The following OR51A4 variants were observed in gnomAD, a reference collection of about 807,000 sequenced individuals.
OR51A4 encodes the protein olfactory receptor family 51 subfamily A member 4, also known as olfactory receptor 51A4.
For synonymous variants in OR51A4, 96 were observed against 141.5 expected (o/e 0.68, Z 2.28); for missense variants, 243 against 364.0 (o/e 0.67, Z 2.70).
rs1030999386 is a variant in OR51A4 at position 4,943,411 on chromosome 11, G to A, written c.*2748C>T. The stretch of plus-strand genomic sequence containing the variant: ...GTATCAGATTGCCCCTAGGTGCTGT[G>A]TAGGTGAGCTCAAGGTAATTTGTTT... On this transcript the variant is annotated 3_prime_UTR_variant, in exon 2 of 2. Transcript: ENST00000641898. 1 of 453,702 alleles carries A rather than the reference G, an allele frequency of 2.2e-6. No homozygotes were observed. Among genetic ancestry groups the A allele is most frequent in the Admixed American group, 2.4e-5 (1 of 42,432 alleles). The allele number at this position is 453,702 out of a possible 1,614,324, so 28.1% of individuals were successfully genotyped here.
rs72858195 is a variant in OR51A4, at chr11:4,942,914, T to A, written c.*3245A>T. ...GTACACAATTCAATATATTAAAGAATATTTTTTCATGGCATTGAAAATTCA... is the reference window on the plus strand; with the variant it reads ...GTACACAATTCAATATATTAAAGAAAATTTTTTCATGGCATTGAAAATTCA... On this transcript the variant is annotated 3_prime_UTR_variant, in exon 2 of 2. Transcript: ENST00000641898. The A allele has an allele frequency of 0.13, 19,554 of 152,304 alleles. 1,460 individuals carry two copies. Among genetic ancestry groups the A allele is most frequent in the Middle Eastern group, 0.28 (84 of 298 alleles). 9.4% of individuals were successfully genotyped at this position (152,304 alleles called of 1,614,324 possible).
At position 4,945,237 on chromosome 11, in the gene OR51A4, A is replaced by T. The variant is rs535329840; in HGVS notation, c.*922T>A. ...GTAATCTATGAGGAAATTAAGCCAA[A>T]ATTTAAAGAAAAAAATAGAAATGCA... is the stretch of plus-strand genomic sequence containing the variant. On this transcript the variant is annotated 3_prime_UTR_variant, in exon 2 of 2. Transcript: ENST00000641898. The T allele has an allele frequency of 6.6e-6, 1 of 152,280 alleles. No individual in the cohort carries two copies. Among genetic ancestry groups the T allele is most frequent in the South Asian group, 2.1e-4 (1 of 4,830 alleles). The allele number at this position is 152,280 out of a possible 1,614,324, so 9.4% of individuals were successfully genotyped here.
At position 4,945,989 on chromosome 11, in the gene OR51A4, A is replaced by C. The variant is rs1192663891; in HGVS notation, c.*170T>G. The stretch of plus-strand genomic sequence containing the variant: ...CTGAAATGGGGACATAAGGCAACGT[A>C]CTTCCTGTTTATAGTTCTATTCTCA... On this transcript the variant is annotated 3_prime_UTR_variant, in exon 2 of 2. Coordinates refer to ENST00000641898, the MANE Select transcript of OR51A4 (RefSeq NM_001005329.2). 8 of 663,094 alleles carry C rather than the reference A, an allele frequency of 1.2e-5. No homozygotes were observed. In the East Asian group the frequency reaches 1.9e-4, roughly 16 times the overall value. The allele number at this position is 663,094 out of a possible 1,614,324, so 41.1% of individuals were successfully genotyped here.
In OR51A4 at chr11:4,944,560, A is replaced by C. The variant is rs950200617; in HGVS notation, c.*1599T>G. On this transcript the variant is annotated 3_prime_UTR_variant, in exon 2 of 2. Transcript: ENST00000641898. Reference sequence around the variant, plus strand: ...GATTATTATTTTTTAAGCATTTGACATTCCTGGAAGGTGTTTCTTGATTCA... The same window carrying C: ...GATTATTATTTTTTAAGCATTTGACCTTCCTGGAAGGTGTTTCTTGATTCA... 6.6e-6 allele frequency: 1 copy of C among 152,326 alleles called. No individual in the cohort carries two copies. The highest frequency in any genetic ancestry group is 6.5e-5 in the Admixed American group (1 of 15,280). 9.4% of individuals were successfully genotyped at this position (152,326 alleles called of 1,614,324 possible). A position where few individuals can be genotyped will look rare whatever the true frequency, so the allele number is the denominator to read the frequency against.
At position 4,943,532 on chromosome 11, in the gene OR51A4, T is replaced by A; in HGVS notation, c.*2627A>T. 1 of 455,842 alleles carries A rather than the reference T, an allele frequency of 2.2e-6. No individual in the cohort carries two copies. The highest frequency in any genetic ancestry group is 4.4e-6 in the Non-Finnish European group (1 of 226,398). 28.2% of individuals were successfully genotyped at this position (455,842 alleles called of 1,614,324 possible). A position where few individuals can be genotyped will look rare whatever the true frequency, so the allele number is the denominator to read the frequency against. ...ACTGACATTTTGTGCTAGATAATTC[T>A]TTTGGGTAAGGGCTATCCTGTACAT... On this transcript the variant is annotated 3_prime_UTR_variant, in exon 2 of 2. Coordinates refer to ENST00000641898, the MANE Select transcript of OR51A4 (RefSeq NM_001005329.2).
chr11:4,947,142 G>A lies in OR51A4; in HGVS notation c.-42C>T. 1 of 1,010,992 alleles carries A rather than the reference G, an allele frequency of 9.9e-7. No individual in the cohort carries two copies. The highest frequency in any genetic ancestry group is 1.9e-5 in the South Asian group (1 of 52,782). 62.6% of individuals were successfully genotyped at this position (1,010,992 alleles called of 1,614,324 possible). ...TCTGCTATGAAAAATACAGATGCTT[G>A]TGTTGGTAAAATAGGAATATCTGTA... On this transcript the variant is annotated 5_prime_UTR_variant, in exon 2 of 2. Coordinates refer to ENST00000641898, the MANE Select transcript of OR51A4 (RefSeq NM_001005329.2).
In OR51A4 at chr11:4,946,721, G is replaced by A. The variant is rs1402814487; in HGVS notation, c.380C>T (p.Ala127Val). ...LLIMSFDRFL[A>V]IHNPLRYTSI... ...GGTGTATCTCAGAGGGTTGTGGATG[G>A]CTAGGAATCTATCAAATGACATGAT... Residue 127 changes from alanine (A) to valine (V), a missense_variant, in exon 2 of 2, where the codon GCC (alanine) becomes GTC (valine). Physicochemically the swap from Ala to Val is moderately conservative, Grantham distance 64. Transcript: ENST00000641898. The A allele has an allele frequency of 1.3e-6, 2 of 1,589,638 alleles. No homozygotes were observed. The highest frequency in any genetic ancestry group is 2.2e-5 in the East Asian group (1 of 44,852).
At position 4,946,279 on chromosome 11, in the gene OR51A4, A is replaced by G. The variant is rs1417596506; in HGVS notation, c.822T>C (p.Asn274=). 2.5e-6 allele frequency: 4 copies of G among 1,614,022 alleles called. No homozygotes were observed. In the Admixed American group the frequency reaches 5.0e-5, roughly 20 times the overall value. Reference sequence around the variant, plus strand: ...GTAGGAGAACATTTGCCATGAGAACATTAATGAGGGGAGAGACATGCCGGG... The same window carrying G: ...GTAGGAGAACATTTGCCATGAGAACGTTAATGAGGGGAGAGACATGCCGGG... ...RFARHVSPLI[N]VLMANVLLLV... The change falls in exon 2 of 2, where the codon AAT becomes AAC. Residue 274 remains asparagine, a synonymous_variant. Transcript: ENST00000641898.
At position 4,946,731 on chromosome 11, in the gene OR51A4, T is replaced by C. The variant is rs768530291; in HGVS notation, c.370A>G (p.Arg124Gly). 6.3e-7 allele frequency: 1 copy of C among 1,589,610 alleles called. No individual in the cohort carries two copies. The highest frequency in any genetic ancestry group is 8.6e-7 in the Non-Finnish European group (1 of 1,161,978). The stretch of plus-strand genomic sequence containing the variant: ...AGAGGGTTGTGGATGGCTAGGAATC[T>C]ATCAAATGACATGATCAGGAGGACT... The part of the protein sequence containing the change: ...SSVLLIMSFD[R>G]FLAIHNPLRY... The change falls in exon 2 of 2, where the codon AGA (arginine) becomes GGA (glycine). Residue 124 changes from arginine (R) to glycine (G), a missense_variant. Physicochemically the swap from Arg to Gly is moderately radical, Grantham distance 125. Coordinates refer to ENST00000641898, the MANE Select transcript of OR51A4 (RefSeq NM_001005329.2).
rs570616157 is a variant in OR51A4 at position 4,944,063 on chromosome 11, T to C, written c.*2096A>G. 4 of 441,592 alleles carry C rather than the reference T, an allele frequency of 9.1e-6. No homozygotes were observed. The highest frequency in any genetic ancestry group is 8.1e-5 in the African/African-American group (4 of 49,180). 27.4% of individuals were successfully genotyped at this position (441,592 alleles called of 1,614,324 possible). ...CTTTCAATTAATAAAATATGTCAAC[T>C]ACTGCTTGGTTGTACTACAACCCCA... On this transcript the variant is annotated 3_prime_UTR_variant, in exon 2 of 2. Transcript: ENST00000641898.
rs1265516392 is a variant in OR51A4 at position 4,943,951 on chromosome 11, C to A, written c.*2208G>T. On this transcript the variant is annotated 3_prime_UTR_variant, in exon 2 of 2. Transcript: ENST00000641898. ...AAAGAATAAGATGCTATTAAAGCCA[C>A]CTAATTACTCCTCATCTTTTTAGTG... 1 of 410,692 alleles carries A rather than the reference C, an allele frequency of 2.4e-6. No homozygotes were observed. The highest frequency in any genetic ancestry group is 4.8e-6 in the Non-Finnish European group (1 of 206,532). The allele number at this position is 410,692 out of a possible 1,614,324, so 25.4% of individuals were successfully genotyped here.
chr11:4,946,858 G>A lies in OR51A4; in HGVS notation c.243C>T (p.Pro81=), dbSNP rs1230711486. 28 of 1,594,068 alleles carry A rather than the reference G, an allele frequency of 1.8e-5. 2 individuals carry two copies. Among genetic ancestry groups the A allele is most frequent in the Non-Finnish European group, 2.4e-5 (28 of 1,165,244 alleles). The change falls in exon 2 of 2, where the codon CCC becomes CCT. Residue 81 remains proline, a synonymous_variant. Transcript: ENST00000641898. ...TGAACAGGAAGATGCTTAACACAGT[G>A]GGCAGAGATGATAAAGACAAACCCA... is the stretch of plus-strand genomic sequence containing the variant. ...SDLGLSLSSL[P]TVLSIFLFNA...
At position 4,946,860 on chromosome 11, in the gene OR51A4, G is replaced by C. The variant is rs762282327; in HGVS notation, c.241C>G (p.Pro81Ala). 3 of 1,595,592 alleles carry C rather than the reference G, an allele frequency of 1.9e-6. No homozygotes were observed. Among genetic ancestry groups the C allele is most frequent in the Non-Finnish European group, 2.6e-6 (3 of 1,166,662 alleles). ...SDLGLSLSSLPTVLSIFLFNA... is the reference protein window; with the variant it reads ...SDLGLSLSSLATVLSIFLFNA... Reference sequence around the variant, plus strand: ...AACAGGAAGATGCTTAACACAGTGGGCAGAGATGATAAAGACAAACCCAAG... The same window carrying C: ...AACAGGAAGATGCTTAACACAGTGGCCAGAGATGATAAAGACAAACCCAAG... The change falls in exon 2 of 2, where the codon CCC (proline) becomes GCC (alanine). Residue 81 changes from proline (P) to alanine (A), a missense_variant. Physicochemically the swap from Pro to Ala is conservative, Grantham distance 27. Transcript: ENST00000641898.
Position 4,946,227 on chromosome 11 carries a change from C to T in OR51A4, c.874G>A (p.Val292Ile). Residue 292 changes from valine to isoleucine, a missense_variant, in exon 2 of 2, where the codon GTT becomes ATT. Physicochemically the swap from Val to Ile is conservative, Grantham distance 29. Transcript: ENST00000641898. ...LLVPPLTNPI[V>I]YCVKTKQIRV... is the part of the protein sequence containing the mutation. ...ATCTGTTTAGTTTTTACACAATAAA[C>T]AATTGGGTTCGTCAGTGGAGGTACA... The T allele has an allele frequency of 6.2e-7, 1 of 1,613,926 alleles. No individual in the cohort carries two copies. Among genetic ancestry groups the T allele is most frequent in the Non-Finnish European group, 8.5e-7 (1 of 1,180,018 alleles).
At position 4,945,822 on chromosome 11, in the gene OR51A4, C is replaced by T. The variant is rs920148641; in HGVS notation, c.*337G>A. ...TAATTTAGGTCTAGCATTAAAAGAA[C>T]TTGGTATAAGAGATTGAATGTAGAT... On this transcript the variant is annotated 3_prime_UTR_variant, in exon 2 of 2. Transcript: ENST00000641898. 2 of 298,708 alleles carry T rather than the reference C, an allele frequency of 6.7e-6. No homozygotes were observed. Among genetic ancestry groups the T allele is most frequent in the African/African-American group, 2.2e-5 (1 of 44,972 alleles). 18.5% of individuals were successfully genotyped at this position (298,708 alleles called of 1,614,324 possible).
Position 4,945,487 on chromosome 11 carries a change from A to T in OR51A4, c.*672T>A, listed in dbSNP as rs1443013753. ...GTATTTCTAACAAAGGAAGAGTTCA[A>T]ATTTAAAAGAGACACTTACACATTC... On this transcript the variant is annotated 3_prime_UTR_variant, in exon 2 of 2. Transcript: ENST00000641898. 1 of 148,538 alleles carries T rather than the reference A, an allele frequency of 6.7e-6. No individual in the cohort carries two copies. Among genetic ancestry groups the T allele is most frequent in the African/African-American group, 2.5e-5 (1 of 40,092 alleles). 9.2% of individuals were successfully genotyped at this position (148,538 alleles called of 1,614,324 possible). A position where few individuals can be genotyped will look rare whatever the true frequency, so the allele number is the denominator to read the frequency against.
At position 4,946,206 on chromosome 11, in the gene OR51A4, G is replaced by A; in HGVS notation, c.895C>T (p.Gln299Ter). 3.1e-6 allele frequency: 5 copies of A among 1,613,972 alleles called. No individual in the cohort carries two copies. The highest frequency in any genetic ancestry group is 3.4e-6 in the Non-Finnish European group (4 of 1,179,996). The stretch of plus-strand genomic sequence containing the variant: ...TTTGCTACAACTCTCACTCTAATCT[G>A]TTTAGTTTTTACACAATAAACAATT... ...NPIVYCVKTK[Q>*]IRVRVVAKLC... Residue 299 changes from glutamine to a stop codon, truncating the protein, a stop_gained, in exon 2 of 2, where the codon CAG becomes TAG. Coordinates refer to ENST00000641898, the MANE Select transcript of OR51A4 (RefSeq NM_001005329.2). LOFTEE classifies it low-confidence loss of function (END_TRUNC).
At position 4,946,305 on chromosome 11, in the gene OR51A4, C is replaced by T. The variant is rs1291922410; in HGVS notation, c.796G>A (p.Ala266Thr). 11 of 1,613,780 alleles carry T rather than the reference C, an allele frequency of 6.8e-6. No individual in the cohort carries two copies. The highest frequency in any genetic ancestry group is 9.3e-6 in the Non-Finnish European group (11 of 1,179,958). ...TTAATGAGGGGAGAGACATGCCGGG[C>T]AAAGCGGTGGACAACGGCCAGGTTG... ...IINLAVVHRF[A>T]RHVSPLINVL... The change falls in exon 2 of 2, where the codon GCC (alanine) becomes ACC (threonine). Residue 266 changes from alanine (A) to threonine (T), a missense_variant. By Grantham distance (58) the Ala-to-Thr change is moderately conservative. Coordinates refer to ENST00000641898, the MANE Select transcript of OR51A4 (RefSeq NM_001005329.2).
chr11:4,943,658 C>T lies in OR51A4; in HGVS notation c.*2501G>A, dbSNP rs1446482928. On this transcript the variant is annotated 3_prime_UTR_variant, in exon 2 of 2. Coordinates refer to ENST00000641898, the MANE Select transcript of OR51A4 (RefSeq NM_001005329.2). ...AACCGAAGATGTCCCCAGACATTGC[C>T]AAATGTCTCTTGGAGGTAACATTGC... is the stretch of plus-strand genomic sequence containing the variant. The T allele has an allele frequency of 2.8e-6, 1 of 360,100 alleles. No individual in the cohort carries two copies. Among genetic ancestry groups the T allele is most frequent in the African/African-American group, 2.1e-5 (1 of 46,932 alleles). The allele number at this position is 360,100 out of a possible 1,614,324, so 22.3% of individuals were successfully genotyped here.
Sources: allele counts gnomAD v4.1 joint callset, GRCh38; gene constraint gnomAD v4.1.1; transcripts MANE v1.5; gene names NCBI Gene and HGNC (gene_info 2026-07-23, HGNC 2026-07-21).